Variants in NDUFA10 observed in about 807,000 individuals in gnomAD.
The protein encoded by NDUFA10 is NADH:ubiquinone oxidoreductase subunit A10.
NDUFA10 carries 40 observed loss-of-function variants against 47.8 expected under a neutral mutation model. The ratio of observed to expected loss-of-function variants is 0.84; its 90% CI spans 0.65 to 1.09. NDUFA10 has a LOEUF of 1.09. Ranked by LOEUF, NDUFA10 falls within the 50% of genes least tolerant of loss-of-function variation. NDUFA10 has a pLI of 0.00. For missense variants in NDUFA10, 413 were observed against 451.1 expected (o/e 0.92, Z 0.76); for synonymous variants, 183 against 172.2 (o/e 1.06, Z -0.49).
At chr2:239,983,848 G>A in intron 9 of NDUFA10, 3 of 1,403,594 alleles carry the variant, frequency 2.1e-6, no homozygotes, top group Non-Finnish European at 2.8e-6. Flanking sequence ...AGGACCCAAT[G>A]TCATGTGATA....
rs79100058 is a variant in NDUFA10, at chr2:239,986,511, G to A, written c.999+3563C>T. Among the ~76,000 whole-genome samples, 658 of 152,294 alleles carry A rather than the reference G, an allele frequency of 4.3e-3. 13 individuals carry two copies. The highest frequency in any genetic ancestry group is 0.043 in the East Asian group (221 of 5,188). ...TTGCACTGGAACTGAAGACACTGGT[G>A]TGTATTCACAGTTTTCAACAAATAG... On this transcript the variant is annotated intron_variant, in intron 9 of 9. Transcript: ENST00000252711.
chr2:240,014,961 T>C, intron 4 of NDUFA10, 101 bp from the exon 5 acceptor site: 3 of 1,522,216 alleles, frequency 2.0e-6, no homozygotes, highest in Non-Finnish European at 2.7e-6. Context: ...CACGCAATTC[T>C]CAAAGCCACG....
intron 5 of NDUFA10, among the ~76,000 whole-genome samples, chr2:239,894,986 A>G (rs1470705751): frequency 6.6e-6 from 1 of 151,988 alleles, no homozygotes; most frequent in Non-Finnish European, 1.5e-5. Context: ...AAGACACCCC[A>G]TCCACCCAGT....
chr2:239,920,828 A>G (rs1693961602), intron 4 of NDUFA10, among the ~76,000 whole-genome samples: 1 of 152,178 alleles, frequency 6.6e-6, no homozygotes, highest in African/African-American at 2.4e-5. Context: ...AGATGAACAC[A>G]GTTCCTAGAA....
intron 4 of NDUFA10, chr2:240,017,723 C>T (rs1559401592): frequency 4.0e-6 from 4 of 1,008,696 alleles, no homozygotes; most frequent in South Asian, 1.4e-5. Context: ...GCTTGCAGTG[C>T]TCTTGCGGGC....
chr2:239,951,961 A>G (rs942015967), intron 4 of NDUFA10, among the ~76,000 whole-genome samples: 5 of 152,182 alleles, frequency 3.3e-5, no homozygotes, highest in Admixed American at 6.5e-5. Context: ...GAGATGGTGC[A>G]TGCCCTTTGG....
At chr2:239,944,300 G>A (rs1022833380) in intron 4 of NDUFA10, among the ~76,000 whole-genome samples, 2 of 152,256 alleles carry the variant, frequency 1.3e-5, no homozygotes, top group Admixed American at 1.3e-4. Flanking sequence ...CCCGGGGGCA[G>A]AGCGGCTGTT....
chr2:239,973,060 A>G (rs770022621), intron 9 of NDUFA10, among the ~76,000 whole-genome samples: 7 of 152,218 alleles, frequency 4.6e-5, no homozygotes, highest in Non-Finnish European at 8.8e-5. Flanking sequence ...CGAGGGACAC[A>G]TGCTGATAAT....
chr2:239,922,856 G>A lies in NDUFA10; in HGVS notation c.295-27542C>T, dbSNP rs571423547. 8.5e-5 allele frequency among the ~76,000 whole-genome samples: 13 copies of A among 152,290 alleles called. No homozygotes were observed. In the South Asian group the frequency reaches 2.3e-3, roughly 27 times the overall value. ...GCCAGCAGGTAAGATGGTAGGGTACGGATACCACACCTTTGCGAAGTAGAA... is the reference window on the plus strand; with the variant it reads ...GCCAGCAGGTAAGATGGTAGGGTACAGATACCACACCTTTGCGAAGTAGAA... On this transcript the variant is annotated intron_variant, in intron 4 of 5. Transcript: ENST00000419408.
At chr2:239,993,987 C>A (rs769868897) in intron 8 of NDUFA10, among the ~76,000 whole-genome samples, 1 of 151,992 alleles carries the variant, frequency 6.6e-6, no homozygotes, top group Non-Finnish European at 1.5e-5. Context: ...GGTGAGATGC[C>A]CCACACAGTC....
intron 4 of NDUFA10, among the ~76,000 whole-genome samples, chr2:239,927,170 C>T (rs1478278390): frequency 2.6e-5 from 4 of 151,946 alleles, no homozygotes; most frequent in Non-Finnish European, 5.9e-5. Flanking sequence ...TAGACCTAGG[C>T]TAATGTGTGC....
Position 239,958,968 on chromosome 2 carries a change from C to T in NDUFA10, c.*2150G>A. On this transcript the variant is annotated 3_prime_UTR_variant, in exon 10 of 10. Coordinates refer to ENST00000252711, the MANE Select transcript of NDUFA10 (RefSeq NM_004544.4). ...CTGTTGTTTTAGTTGTAAGAGCTTT[C>T]GTGAGACGAACGCATGTACTGCTCT... The T allele has an allele frequency of 4.1e-6, 4 of 985,380 alleles. No individual in the cohort carries two copies. Among genetic ancestry groups the T allele is most frequent in the Non-Finnish European group, 4.8e-6 (4 of 829,940 alleles). 61.0% of individuals were successfully genotyped at this position (985,380 alleles called of 1,614,324 possible). A position where few individuals can be genotyped will look rare whatever the true frequency, so the allele number is the denominator to read the frequency against.
In NDUFA10 at chr2:239,928,147, T is replaced by A. The variant is rs1694096751; in HGVS notation, c.295-32833A>T. On this transcript the variant is annotated intron_variant, in intron 4 of 5. Transcript: ENST00000419408. The surrounding 1 kb of genome is among the most constrained non-coding windows in gnomAD (Gnocchi z 4.3). Reference sequence around the variant, plus strand: ...ACAAACGCGAGTAAGGAGCAGAAGGTCTGTACAAAGATTCCAGGACTTTAA... The same window carrying A: ...ACAAACGCGAGTAAGGAGCAGAAGGACTGTACAAAGATTCCAGGACTTTAA... Among the ~76,000 whole-genome samples the A allele has an allele frequency of 6.6e-6, 1 of 151,298 alleles. No homozygotes were observed. The highest frequency in any genetic ancestry group is 1.5e-5 in the Non-Finnish European group (1 of 67,902).
At chr2:240,007,427 G>C (rs1696987903) in intron 6 of NDUFA10, 57 bp from the exon 7 acceptor site, 2 of 1,233,092 alleles carry the variant, frequency 1.6e-6, no homozygotes, top group South Asian at 2.4e-5. Context: ...GAAGTTAAAT[G>C]TACAAATGAA....
intron 4 of NDUFA10, among the ~76,000 whole-genome samples, chr2:239,947,268 C>G (rs1249267131): frequency 6.6e-6 from 1 of 152,212 alleles, no homozygotes; most frequent in African/African-American, 2.4e-5. Context: ...GAAGTCATAC[C>G]AGGACAGCCC....
chr2:239,994,339 G>C (rs12466579), intron 8 of NDUFA10, among the ~76,000 whole-genome samples: 87,561 of 151,534 alleles, frequency 0.58, 25,442 homozygotes, highest in Admixed American at 0.6. Context: ...GTCAGACCAG[G>C]GCAGCATGAG....
intron 4 of NDUFA10, among the ~76,000 whole-genome samples, chr2:239,929,265 C>G (rs1373445875): frequency 6.6e-6 from 1 of 152,132 alleles, no homozygotes; most frequent in Non-Finnish European, 1.5e-5. Flanking sequence ...CATCAGCCAC[C>G]CATGGGTTAC....
chr2:240,016,931 T>C lies in NDUFA10; in HGVS notation c.547+1622A>G, dbSNP rs1239575857. 6.6e-6 allele frequency among the ~76,000 whole-genome samples: 1 copy of C among 152,062 alleles called. No individual in the cohort carries two copies. Among genetic ancestry groups the C allele is most frequent in the African/African-American group, 2.4e-5 (1 of 41,404 alleles). On this transcript the variant is annotated intron_variant, in intron 4 of 9. Coordinates refer to ENST00000252711, the MANE Select transcript of NDUFA10 (RefSeq NM_004544.4). The surrounding 1 kb of genome is among the most constrained non-coding windows in gnomAD (Gnocchi z 4.4). ...CACTGCCCCTGTGCATCCTTCCCCC[T>C]TAGCGGCCCACTAGCCAGGGCAGGT... is the stretch of plus-strand genomic sequence containing the variant.
At chr2:239,894,377 C>T (rs1387367117) in intron 5 of NDUFA10, among the ~76,000 whole-genome samples, 1 of 150,148 alleles carries the variant, frequency 6.7e-6, no homozygotes, top group African/African-American at 2.5e-5. Context: ...CCCTGCCTCC[C>T]GTCCTCAGCT....
Sources: allele counts gnomAD v4.1 joint callset (sites outside exome capture counted in the v4.1 genomes callset), GRCh38; gene constraint gnomAD v4.1.1; non-coding constraint Gnocchi (gnomAD v3.1); transcripts MANE v1.5; gene names NCBI Gene and HGNC (gene_info 2026-07-23, HGNC 2026-07-21).